The following PXDNL variants were observed in gnomAD, a reference collection of about 807,000 sequenced individuals.
PXDNL encodes probable oxidoreductase PXDNL.
A neutral mutation model predicts 150.8 loss-of-function variants in PXDNL; 145 were observed. The ratio of observed to expected loss-of-function variants is 0.96; its 90% confidence interval spans 0.84 to 1.10. The LOEUF is 1.10. PXDNL is among the 50% of genes least tolerant of loss of function. The pLI is 0.00. For missense variants in PXDNL, 2,087 were observed against 1,873.9 expected (o/e 1.11, Z -2.10); for synonymous variants, 757 against 725.7 (o/e 1.04, Z -0.69).
chr8:51,493,959 A>G (rs1810970691), intron 5 of PXDNL, among the ~76,000 whole-genome samples: 1 of 152,184 alleles, frequency 6.6e-6, no homozygotes, highest in Non-Finnish European at 1.5e-5. Context: ...AAGAAGAGTA[A>G]CTCCAAGACA....
chr8:51,519,139 T>C (rs1811604210), intron 4 of PXDNL, among the ~76,000 whole-genome samples: 1 of 152,256 alleles, frequency 6.6e-6, no homozygotes, highest in Admixed American at 6.5e-5. Context: ...TTGGTAGTTT[T>C]AATTCTGTGA....
At chr8:51,804,495 G>A (rs565023889) in intron 1 of PXDNL, among the ~76,000 whole-genome samples, 3 of 151,984 alleles carry the variant, frequency 2.0e-5, no homozygotes, top group South Asian at 4.2e-4. Context: ...GTTGACAAAC[G>A]AGGACATTCA....
At chr8:51,712,980 G>T (rs965584822) in intron 1 of PXDNL, among the ~76,000 whole-genome samples, 1 of 152,118 alleles carries the variant, frequency 6.6e-6, no homozygotes, top group Non-Finnish European at 1.5e-5. Flanking sequence ...AGCTGAAAGG[G>T]TACTCATCAC....
intron 4 of PXDNL, among the ~76,000 whole-genome samples, chr8:51,531,698 C>G (rs1363052925): frequency 6.6e-6 from 1 of 152,120 alleles, no homozygotes; most frequent in Admixed American, 6.5e-5. Context: ...CAAGAAGGAG[C>G]TTAAGTCAAG....
At chr8:51,519,911 G>A (rs534948025) in intron 4 of PXDNL, among the ~76,000 whole-genome samples, 1 of 152,316 alleles carries the variant, frequency 6.6e-6, no homozygotes, top group East Asian at 1.9e-4. Flanking sequence ...AATCTGAAAA[G>A]ACAGGCACCT....
intron 4 of PXDNL, among the ~76,000 whole-genome samples, chr8:51,550,480 T>G (rs896720309): frequency 6.6e-6 from 1 of 151,958 alleles, no homozygotes; most frequent in Non-Finnish European, 1.5e-5. Context: ...AAAGATAATA[T>G]ACAATGATCA....
intron 2 of PXDNL, among the ~76,000 whole-genome samples, chr8:51,594,503 A>G: frequency 6.6e-6 from 1 of 152,224 alleles, no homozygotes; most frequent in Non-Finnish European, 1.5e-5. Context: ...GTTTCTGCAT[A>G]TTCTTTTAGA....
intron 1 of PXDNL, among the ~76,000 whole-genome samples, chr8:51,657,936 G>A (rs1815186295): frequency 1.3e-5 from 2 of 152,110 alleles, no homozygotes; most frequent in Admixed American, 1.3e-4. Flanking sequence ...GCCATAGAAA[G>A]GTCTCCAGGG....
At position 51,426,720 on chromosome 8, in the gene PXDNL, C is replaced by A; in HGVS notation, c.1564G>T (p.Val522Phe). Residue 522 changes from valine (V) to phenylalanine (F), a missense_variant, in exon 13 of 23, where the codon GTC becomes TTC. Coordinates refer to ENST00000356297, the MANE Select transcript of PXDNL (RefSeq NM_144651.5). ...VFTQLPQDTS[V>F]EVGKNINISC... ...ATGTTTATATTCTTTCCAACCTCGA[C>A]ACTTGTATCCTGAGGAAGTTGAGTA... is the stretch of plus-strand genomic sequence containing the variant. 1 of 1,605,934 alleles carries A rather than the reference C, an allele frequency of 6.2e-7. No individual in the cohort carries two copies.
chr8:51,612,422 C>A (rs774078782), intron 2 of PXDNL, among the ~76,000 whole-genome samples: 25 of 152,326 alleles, frequency 1.6e-4, no homozygotes, highest in South Asian at 1.2e-3. Flanking sequence ...TCTCTCCACG[C>A]AACTCTCTCT....
At chr8:51,696,838 C>G (rs1816153710) in intron 1 of PXDNL, among the ~76,000 whole-genome samples, 1 of 141,946 alleles carries the variant, frequency 7.0e-6, no homozygotes, top group Non-Finnish European at 1.5e-5. Context: ...CACACACACA[C>G]AGGTCCTGAC....
chr8:51,599,125 T>A (rs1813637507), intron 2 of PXDNL, among the ~76,000 whole-genome samples: 1 of 152,168 alleles, frequency 6.6e-6, no homozygotes, highest in African/African-American at 2.4e-5. Flanking sequence ...ATCTTCTCTT[T>A]TTCTCTTTGT....
chr8:51,809,346 G>T lies in PXDNL; in HGVS notation c.-2C>A. ...CCAGCAGAACAGTCTGGGCTCCATC[G>T]CTCCATTCGCTGCTGGCCACGCGAA... On this transcript the variant is annotated 5_prime_UTR_variant, in exon 1 of 23. Transcript: ENST00000356297. 6.5e-7 allele frequency: 1 copy of T among 1,528,108 alleles called. No individual in the cohort carries two copies. The highest frequency in any genetic ancestry group is 1.2e-5 in the South Asian group (1 of 80,656). The allele number at this position is 1,528,108 out of a possible 1,614,324, so 94.7% of individuals were successfully genotyped here.
At position 51,409,162 on chromosome 8, in the gene PXDNL, A is replaced by C. The variant is rs200216958; in HGVS notation, c.2462T>G (p.Leu821Arg). The change falls in exon 17 of 23, where the codon CTG becomes CGG. Residue 821 changes from leucine to arginine, a missense_variant. By Grantham distance (102) the Leu-to-Arg change is moderately radical. Coordinates refer to ENST00000356297, the MANE Select transcript of PXDNL (RefSeq NM_144651.5). ...EHDLDHTVPA[L>R]STARFSDGRP... ...CCCATCCGAGAAGCGGGCTGTGCTC[A>C]GCGCAGGCACTGTGTGGTCCAAGTC... 7.8e-5 allele frequency: 125 copies of C among 1,601,048 alleles called. No individual in the cohort carries two copies. The East Asian group carries it at 2.5e-3, about 32-fold the overall frequency.
At position 51,647,087 on chromosome 8, in the gene PXDNL, G is replaced by T. The variant is rs190203397; in HGVS notation, c.236+7602C>A. 1.6e-3 allele frequency among the ~76,000 whole-genome samples: 245 copies of T among 152,212 alleles called. 2 individuals carry two copies. Among genetic ancestry groups the T allele is most frequent in the African/African-American group, 5.5e-3 (228 of 41,530 alleles). On this transcript the variant is annotated intron_variant, in intron 2 of 22. Transcript: ENST00000356297. ...TTGGAGCTTTCTTTTTGGAAGCTAG[G>T]ATGTATCATCCCTTATACAGGGTCT...
chr8:51,582,723 A>T (rs1404104770), intron 3 of PXDNL, among the ~76,000 whole-genome samples: 1 of 152,158 alleles, frequency 6.6e-6, no homozygotes, highest in African/African-American at 2.4e-5. Context: ...TATATGCTTT[A>T]AATTCCTCAA....
Position 51,705,807 on chromosome 8 carries a change from C to CTGTGTGTG in PXDNL, c.165-51055_165-51048dup, listed in dbSNP as rs71550283. ...CAGACAAACCCTCCTGGTGAAAACA[C>CTGTGTGTG]TGTGTGTGTGTGTGTGTGTGTGTGT... On this transcript the variant is annotated intron_variant, in intron 1 of 22. Coordinates refer to ENST00000356297, the MANE Select transcript of PXDNL (RefSeq NM_144651.5). Among the ~76,000 whole-genome samples the CTGTGTGTG allele has an allele frequency of 5.8e-3, 838 of 143,368 alleles. 13 individuals carry two copies. The highest frequency in any genetic ancestry group is 0.02 in the African/African-American group (784 of 40,064). The allele number at this position is 143,368 out of a possible 152,430, so 94.1% of individuals were successfully genotyped here.
intron 3 of PXDNL, among the ~76,000 whole-genome samples, chr8:51,557,687 G>T (rs1428060318): frequency 6.6e-6 from 1 of 152,066 alleles, no homozygotes; most frequent in Non-Finnish European, 1.5e-5. Context: ...CTGGTGGTTT[G>T]TTAAACACAC....
At chr8:51,571,687 T>C (rs1011816956) in intron 3 of PXDNL, among the ~76,000 whole-genome samples, 4 of 151,884 alleles carry the variant, frequency 2.6e-5, no homozygotes, top group Non-Finnish European at 5.9e-5. Flanking sequence ...ACCAAAAGCA[T>C]GTTAAGCTCA....
Sources: gnomAD v4.1 joint callset for allele counts (sites outside exome capture counted in the v4.1 genomes callset) on GRCh38, gnomAD v4.1.1 for gene constraint, MANE v1.5 for transcripts, NCBI Gene and HGNC (gene_info 2026-07-23, HGNC 2026-07-21) for gene names.